Variants in ZNF534 observed in about 807,000 individuals in gnomAD.
The protein encoded by ZNF534 is KRAB domain only 3.
ZNF534 carries 19 observed loss-of-function variants against 13.6 expected under a neutral mutation model. The ratio of observed to expected loss-of-function variants is 1.40; its 90% CI spans 0.97 to 2.05. The LOEUF is 2.05. ZNF534 is among the 30% of genes most tolerant of loss of function. The pLI is 0.00. For missense variants in ZNF534, 782 were observed against 796.3 expected (o/e 0.98, Z 0.22); for synonymous variants, 244 against 273.8 (o/e 0.89, Z 1.07).
chr19:52,434,952 T>G (rs11084159), intron 3 of ZNF534, 129 bp from the exon 4 acceptor site: 1,103,245 of 1,178,230 alleles, frequency 0.94, 519,151 homozygotes, highest in Non-Finnish European at 0.96. Flanking sequence ...TTCAGAAGGA[T>G]GCAATCAGTG....
chr19:52,438,497 C>T lies in ZNF534; in HGVS notation c.1037C>T (p.Thr346Ile). The change falls in exon 5 of 5, where the codon ACA becomes ATA. Residue 346 changes from threonine (T) to isoleucine (I), a missense_variant. Transcript: ENST00000433050. The stretch of plus-strand genomic sequence containing the variant: ...AAGTCTTCCCTAACCACTCATCAGA[C>T]AGTTCATACTGGAGAGAGACCATAC... Reference protein sequence around the residue: ...RHKSSLTTHQTVHTGERPYKC... With the variant: ...RHKSSLTTHQIVHTGERPYKC... 2 of 1,587,784 alleles carry T rather than the reference C, an allele frequency of 1.3e-6. No individual in the cohort carries two copies. The highest frequency in any genetic ancestry group is 1.7e-6 in the Non-Finnish European group (2 of 1,166,924).
In ZNF534 at chr19:52,442,253, C is replaced by T. The variant is rs370300622; in HGVS notation, c.*2807C>T. 3.9e-5 allele frequency among the ~76,000 whole-genome samples: 6 copies of T among 152,274 alleles called. No individual in the cohort carries two copies. In the East Asian group the frequency reaches 7.7e-4, roughly 20 times the overall value. On this transcript the variant is annotated 3_prime_UTR_variant, in exon 5 of 5. Transcript: ENST00000433050. ...TGGGCATGACACCCATGCTGAAGGT[C>T]GTTGGTTTACCAGAATGATGGCAAA...
At chr19:52,437,081 G>T (rs909891051) in intron 4 of ZNF534, among the ~76,000 whole-genome samples, 12 of 152,084 alleles carry the variant, frequency 7.9e-5, no homozygotes, top group Non-Finnish European at 1.5e-4. Context: ...TTTCTGGGAT[G>T]TATCTTTCCT....
At chr19:52,443,238 A>AT (rs2059182861), downstream of ZNF534, among the ~76,000 whole-genome samples, 1 of 152,098 alleles carries the variant, frequency 6.6e-6, no homozygotes, top group Admixed American at 6.6e-5. Context: ...TGCCTAGGTG[A>AT]TTATCTTTTT....
rs558483363 is a variant in ZNF534, at chr19:52,440,521, C to T, written c.*1075C>T. ...GGAGGCTGGGTGCGGTGGCTCACGC[C>T]TGTAATCCCAGCACTTTGGGAGGCT... On this transcript the variant is annotated 3_prime_UTR_variant, in exon 5 of 5. Coordinates refer to ENST00000433050, the MANE Select transcript of ZNF534 (RefSeq NM_001143938.3). 6.6e-6 allele frequency among the ~76,000 whole-genome samples: 1 copy of T among 152,274 alleles called. No individual in the cohort carries two copies. Among genetic ancestry groups the T allele is most frequent in the African/African-American group, 2.4e-5 (1 of 41,554 alleles).
At chr19:52,434,329 A>G (rs2065836327) in intron 3 of ZNF534, among the ~76,000 whole-genome samples, 1 of 151,550 alleles carries the variant, frequency 6.6e-6, no homozygotes, top group Non-Finnish European at 1.5e-5. Flanking sequence ...TAAAGATACA[A>G]AAAAGGGTGC....
chr19:52,429,507 C>CTG (rs10695013), intron 1 of ZNF534, among the ~76,000 whole-genome samples: 23,688 of 150,990 alleles, frequency 0.16, 2,591 homozygotes, highest in African/African-American at 0.32. Context: ...ATTATTCAGT[C>CTG]TAGTTGATTG....
chr19:52,435,288 G>A (rs1432653051), intron 4 of ZNF534, 79 bp downstream of exon 4: 1 of 1,447,934 alleles, frequency 6.9e-7, no homozygotes, highest in African/African-American at 1.4e-5. Context: ...ATCCAGGCTG[G>A]AGTACAGTGG....
chr19:52,443,422 C>T (rs534542145), downstream of ZNF534, among the ~76,000 whole-genome samples: 108 of 152,152 alleles, frequency 7.1e-4, no homozygotes, highest in African/African-American at 2.3e-3. Flanking sequence ...TAACATAATC[C>T]GAGACTTCTT....
intron 2 of ZNF534, 114 bp downstream of exon 2, chr19:52,431,603 T>G (rs530932712): frequency 7.3e-7 from 1 of 1,367,008 alleles, no homozygotes; most frequent in East Asian, 2.4e-5. Flanking sequence ...TTCATTGCAC[T>G]TACCCATGGC....
chr19:52,451,684 T>C (rs324103), exon 5 of ZNF534: 617,093 of 665,882 alleles, frequency 0.93, 287,940 homozygotes, highest in Non-Finnish European at 0.96. Flanking sequence ...CTGGATGTTA[T>C]GGAGAGTAGC....
downstream of ZNF534, among the ~76,000 whole-genome samples, chr19:52,443,662 A>C (rs1333984224): frequency 6.6e-6 from 1 of 152,044 alleles, no homozygotes; most frequent in Admixed American, 6.6e-5. Context: ...AGGCAGAAGA[A>C]TTGCTTGAAC....
At position 52,449,945 on chromosome 19, in the gene ZNF534, G is replaced by A. The variant is rs138996881; in HGVS notation, c.272-1242G>A. ...TGAGGCATGAGAATTGCTTGAACCCGGGAAGGCAGACGTTGCAGTGAGCCA... is the reference window on the plus strand; with the variant it reads ...TGAGGCATGAGAATTGCTTGAACCCAGGAAGGCAGACGTTGCAGTGAGCCA... On this transcript the variant is annotated intron_variant, in intron 4 of 4. Transcript: ENST00000301085. Among the ~76,000 whole-genome samples the A allele has an allele frequency of 2.0e-4, 30 of 152,112 alleles. No individual in the cohort carries two copies. In the East Asian group the frequency reaches 4.8e-3, roughly 24 times the overall value.
chr19:52,429,835 T>C (rs1252370883), intron 1 of ZNF534, among the ~76,000 whole-genome samples: 1 of 152,020 alleles, frequency 6.6e-6, no homozygotes, highest in Non-Finnish European at 1.5e-5. Context: ...CCTCAGGTGA[T>C]CTGCCCGCCT....
At chr19:52,451,615 C>T in exon 5 of ZNF534, 1 of 637,710 alleles carries the variant, frequency 1.6e-6, no homozygotes, top group Non-Finnish European at 2.8e-6. Flanking sequence ...CCTGTGATTA[C>T]ACACCACCAC....
chr19:52,445,224 T>G, downstream of ZNF534, among the ~76,000 whole-genome samples: 1 of 149,266 alleles, frequency 6.7e-6, no homozygotes. Flanking sequence ...TGAGACAGAG[T>G]CTTGCTCTGT....
intron 4 of ZNF534, among the ~76,000 whole-genome samples, chr19:52,450,649 A>T (rs2059209819): frequency 8.4e-6 from 1 of 118,570 alleles, no homozygotes; most frequent in Admixed American, 8.6e-5. Flanking sequence ...GATCTTCCGT[A>T]GTTCCCTATG....
rs1373929168 is a variant in ZNF534 at position 52,439,827 on chromosome 19, G to C, written c.*381G>C. The stretch of plus-strand genomic sequence containing the variant: ...CTCACGCCTTTAATCCCAGTACTTT[G>C]GGAGGCCAAGGTGGCCAGATCACCT... On this transcript the variant is annotated 3_prime_UTR_variant, in exon 5 of 5. Transcript: ENST00000433050. Among the ~76,000 whole-genome samples, 1 of 152,098 alleles carries C rather than the reference G, an allele frequency of 6.6e-6. No homozygotes were observed. The highest frequency in any genetic ancestry group is 1.5e-5 in the Non-Finnish European group (1 of 68,030).
chr19:52,438,677 G>A lies in ZNF534; in HGVS notation c.1217G>A (p.Gly406Glu), dbSNP rs750102210. Residue 406 changes from glycine (G) to glutamate (E), a missense_variant, in exon 5 of 5, where the codon GGG becomes GAG. By Grantham distance (98) the Gly-to-Glu change is moderately conservative. Transcript: ENST00000433050. ...RLARHRKIHT[G>E]GRRYKCNECG... ...GCACGACATAGGAAAATTCATACTG[G>A]GGGGAGGCGTTACAAATGTAATGAA... The A allele has an allele frequency of 6.3e-7, 1 of 1,580,330 alleles. No individual in the cohort carries two copies. Among genetic ancestry groups the A allele is most frequent in the Non-Finnish European group, 8.6e-7 (1 of 1,162,222 alleles).
Sources: allele counts gnomAD v4.1 joint callset (sites outside exome capture counted in the v4.1 genomes callset), GRCh38; gene constraint gnomAD v4.1.1; transcripts MANE v1.5; gene names NCBI Gene and HGNC (gene_info 2026-07-23, HGNC 2026-07-21).